SIPA1L3: variants seen among roughly 807,000 people sequenced by gnomAD.
SIPA1L3 encodes the protein signal induced proliferation associated 1 like 3, also known as signal-induced proliferation-associated 1-like protein 3.
In SIPA1L3, 59 loss-of-function variants were observed where a neutral mutation model predicts 150.1. The ratio of observed to expected loss-of-function variants is 0.39; its 90% CI spans 0.32 to 0.49. The LOEUF is 0.49. Among genes scored for constraint, SIPA1L3 ranks in the 20% least tolerant of loss-of-function variants. SIPA1L3 has a pLI of 0.86. For missense variants in SIPA1L3, 2,211 were observed against 2,489.5 expected, an observed-to-expected ratio of 0.89 and a Z score of 2.38; for synonymous variants, 1,070 against 1,077.6, an observed-to-expected ratio of 0.99 and a Z score of 0.14.
At chr19:37,999,007 A>ACACACC (rs1481925231) in intron 1 of SIPA1L3, among the ~76,000 whole-genome samples, 1 of 150,362 alleles carries the variant, frequency 6.7e-6, no homozygotes, top group Non-Finnish European at 1.5e-5. Flanking sequence ...ACACACACAC[A>ACACACC]CACACCCACA....
rs560680888 is a variant in SIPA1L3 at position 38,193,671 on chromosome 19, C to T, written c.4731C>T (p.Cys1577=). ...GCGACGTGCTCTTCACCAGCACCTG[C>T]GCCTTCCCGTCCAGCACGCTGCCTG... is the stretch of plus-strand genomic sequence containing the variant. ...LPSDVLFTST[C]AFPSSTLPAR... Residue 1577 remains cysteine, a synonymous_variant, in exon 18 of 22, where the codon TGC becomes TGT. Transcript: ENST00000222345. 11 of 1,579,796 alleles carry T rather than the reference C, an allele frequency of 7.0e-6. 1 individual carries two copies. Among genetic ancestry groups the T allele is most frequent in the Middle Eastern group, 3.7e-4 (2 of 5,384 alleles).
chr19:38,036,826 G>C (rs855611), intron 2 of SIPA1L3, among the ~76,000 whole-genome samples: 131,666 of 152,020 alleles, frequency 0.87, 57,034 homozygotes, highest in East Asian at 0.93. Context: ...CCCCCCACTC[G>C]CCCCATCCCG....
In SIPA1L3 at chr19:37,923,292, G is replaced by A. The variant is rs377736204; in HGVS notation, c.-379+15934G>A. 5.9e-5 allele frequency among the ~76,000 whole-genome samples: 9 copies of A among 152,198 alleles called. No individual in the cohort carries two copies. In the East Asian group the frequency reaches 1.7e-3, roughly 29 times the overall value. ...ATGTGTTGTTAGGCTCTTTTGTTGT[G>A]TGAACCTCATGGAGTGTACTTGCTG... On this transcript the variant is annotated intron_variant, in intron 1 of 21. Coordinates refer to ENST00000222345, the MANE Select transcript of SIPA1L3 (RefSeq NM_015073.3).
chr19:38,022,834 G>A (rs376112679), intron 1 of SIPA1L3, among the ~76,000 whole-genome samples: 1 of 152,240 alleles, frequency 6.6e-6, no homozygotes, highest in East Asian at 1.9e-4. Flanking sequence ...CCGCACATGG[G>A]TCTGGGGGCT....
intron 10 of SIPA1L3, among the ~76,000 whole-genome samples, chr19:38,132,232 T>TA: frequency 6.6e-6 from 1 of 151,814 alleles, no homozygotes; most frequent in South Asian, 2.1e-4. Context: ...GAGGGAGACC[T>TA]CATCTCTTTG....
intron 2 of SIPA1L3, among the ~76,000 whole-genome samples, chr19:38,073,638 G>A (rs1166788541): frequency 6.6e-6 from 1 of 152,186 alleles, no homozygotes; most frequent in African/African-American, 2.4e-5. Flanking sequence ...AATTCACTGA[G>A]GATGTACAGA....
At chr19:38,041,584 AT>A (rs199917782) in intron 2 of SIPA1L3, among the ~76,000 whole-genome samples, 2,211 of 151,240 alleles carry the variant, frequency 0.015, 22 homozygotes, top group Admixed American at 0.026. Flanking sequence ...GCCCCAGCTA[AT>A]TTTTGTATTT....
At chr19:37,994,056 G>A (rs1046892206) in intron 1 of SIPA1L3, among the ~76,000 whole-genome samples, 8 of 152,048 alleles carry the variant, frequency 5.3e-5, no homozygotes, top group African/African-American at 1.9e-4. Flanking sequence ...CACCACACCT[G>A]GCTAAGTTTC....
intron 1 of SIPA1L3, among the ~76,000 whole-genome samples, chr19:37,927,161 T>TTG (rs2046511128): frequency 1.3e-5 from 2 of 150,366 alleles, no homozygotes; most frequent in Admixed American, 1.3e-4. Context: ...TTTTTTTTTT[T>TTG]GAGATGGAGT....
At chr19:37,972,929 G>A (rs1320781489) in intron 1 of SIPA1L3, among the ~76,000 whole-genome samples, 1 of 152,104 alleles carries the variant, frequency 6.6e-6, no homozygotes, top group African/African-American at 2.4e-5. Flanking sequence ...CCCAGAAGTT[G>A]CACACATTTC....
intron 1 of SIPA1L3, among the ~76,000 whole-genome samples, chr19:37,957,457 C>T (rs1568478879): frequency 2.6e-5 from 4 of 152,042 alleles, no homozygotes; most frequent in African/African-American, 9.7e-5. Context: ...TTCAGCTTTT[C>T]AGTGCTTGTA....
At chr19:37,987,972 A>T (rs540495856) in intron 1 of SIPA1L3, among the ~76,000 whole-genome samples, 2 of 152,274 alleles carry the variant, frequency 1.3e-5, no homozygotes, top group East Asian at 3.9e-4. Context: ...GCTTGGTGGT[A>T]TTATCTCCTT....
In SIPA1L3 at chr19:38,162,349, A is replaced by C; in HGVS notation, c.3758A>C (p.Asp1253Ala). Residue 1253 changes from aspartate to alanine, a missense_variant, in exon 14 of 22, where the codon GAT becomes GCT. Around this residue, in one of 5 missense-constraint regions of SIPA1L3, gnomAD observed 806 missense variants for 870.1 expected, o/e 0.93. Transcript: ENST00000222345. ...TCCAGGCAGGATGCAGCAGGCAAAG[A>C]TTCCCCCAACAGGCATTCCAAAGTG... The part of the protein sequence containing the change: ...HPSRQDAAGK[D>A]SPNRHSKGEP... The C allele has an allele frequency of 6.2e-7, 1 of 1,614,124 alleles. No homozygotes were observed. Among genetic ancestry groups the C allele is most frequent in the Non-Finnish European group, 8.5e-7 (1 of 1,179,980 alleles).
intron 1 of SIPA1L3, among the ~76,000 whole-genome samples, chr19:38,007,023 A>T (rs887545918): frequency 1.3e-5 from 2 of 152,184 alleles, no homozygotes; most frequent in Non-Finnish European, 2.9e-5. Flanking sequence ...TGGTGCTGCT[A>T]AGCAGGAAAA....
intron 1 of SIPA1L3, among the ~76,000 whole-genome samples, chr19:37,910,912 T>C (rs190243546): frequency 6.6e-6 from 1 of 152,212 alleles, no homozygotes; most frequent in African/African-American, 2.4e-5. Flanking sequence ...TTCCTTTTTT[T>C]AAGGACTATT....
intron 1 of SIPA1L3, among the ~76,000 whole-genome samples, chr19:37,986,426 C>A (rs1311560138): frequency 1.3e-5 from 2 of 152,230 alleles, no homozygotes; most frequent in Admixed American, 6.5e-5. Flanking sequence ...TGTTTCTCCA[C>A]ACCAGCCCGG....
At chr19:37,986,841 C>T (rs80234796) in intron 1 of SIPA1L3, among the ~76,000 whole-genome samples, 4,198 of 152,270 alleles carry the variant, frequency 0.028, 97 homozygotes, top group East Asian at 0.08. Context: ...TTCACAATCA[C>T]TGAATGTAGC....
At chr19:38,065,243 C>T (rs1725509) in intron 2 of SIPA1L3, among the ~76,000 whole-genome samples, 29,301 of 151,852 alleles carry the variant, frequency 0.19, 3,115 homozygotes, top group African/African-American at 0.28. Context: ...CGCCAGGCCA[C>T]GGAGGACTCT....
At chr19:37,963,234 A>G (rs543970963) in intron 1 of SIPA1L3, among the ~76,000 whole-genome samples, 1 of 152,218 alleles carries the variant, frequency 6.6e-6, no homozygotes, top group African/African-American at 2.4e-5. Context: ...GCACACTCTC[A>G]AGGCCTCATG....
Sources: gnomAD v4.1 joint callset for allele counts (sites outside exome capture counted in the v4.1 genomes callset) on GRCh38, gnomAD v4.1.1 for gene constraint, gnomAD v4.1.1 regional missense constraint, MANE v1.5 for transcripts, NCBI Gene and HGNC (gene_info 2026-07-23, HGNC 2026-07-21) for gene names.